CFAP221: variants seen among roughly 807,000 people sequenced by gnomAD.
CFAP221 encodes cilia and flagella associated protein 221, also known as cilia- and flagella-associated protein 221.
CFAP221 carries 97 observed loss-of-function variants against 113.1 expected under a neutral mutation model. That is an observed-to-expected ratio of 0.86 (90% CI 0.73 to 1.02). The LOEUF (loss-of-function observed/expected upper bound fraction) is 1.02. Ranked by LOEUF, CFAP221 falls within the 50% of genes least tolerant of loss-of-function variation. The probability of loss-of-function intolerance (pLI) is 0.00; values close to 1 mark genes in which losing one functional copy is unlikely to be tolerated. For missense variants in CFAP221, 1,025 were observed against 1,013.4 expected (o/e 1.01, Z -0.16); for synonymous variants, 331 against 354.4 (o/e 0.93, Z 0.74).
intron 3 of CFAP221, among the ~76,000 whole-genome samples, chr2:119,558,167 C>A (rs1052236366): frequency 6.6e-6 from 1 of 152,142 alleles, no homozygotes; most frequent in Non-Finnish European, 1.5e-5. Flanking sequence ...CACAGCCCTC[C>A]CCCAATGAGA....
chr2:119,617,768 C>T (rs1218355940), intron 14 of CFAP221, among the ~76,000 whole-genome samples: 1 of 152,226 alleles, frequency 6.6e-6, no homozygotes, highest in Non-Finnish European at 1.5e-5. Context: ...TAAAAGGTGA[C>T]AGTGTCTCTC....
At chr2:119,654,203 A>G (rs1688295608) in intron 23 of CFAP221, among the ~76,000 whole-genome samples, 1 of 152,168 alleles carries the variant, frequency 6.6e-6, no homozygotes, top group South Asian at 2.1e-4. Flanking sequence ...TTTCTGGTAA[A>G]AGAAAATGTA....
At chr2:119,642,570 T>C (rs775400531) in intron 21 of CFAP221, among the ~76,000 whole-genome samples, 83 of 124,480 alleles carry the variant, frequency 6.7e-4, no homozygotes, top group Non-Finnish European at 1.1e-3. Flanking sequence ...AGATGAGATA[T>C]CACTATCTTC....
At chr2:119,608,913 G>A (rs1227548392) in intron 12 of CFAP221, among the ~76,000 whole-genome samples, 1 of 152,202 alleles carries the variant, frequency 6.6e-6, no homozygotes, top group Non-Finnish European at 1.5e-5. Context: ...ATTCGAGCTG[G>A]AATTTTGAGT....
At chr2:119,615,959 C>T (rs1685496773) in intron 14 of CFAP221, among the ~76,000 whole-genome samples, 1 of 152,204 alleles carries the variant, frequency 6.6e-6, no homozygotes, top group Non-Finnish European at 1.5e-5. Flanking sequence ...TCTCCACTCC[C>T]TCCTCCCCAC....
At chr2:119,577,685 T>A (rs1165890617) in intron 6 of CFAP221, among the ~76,000 whole-genome samples, 1 of 152,160 alleles carries the variant, frequency 6.6e-6, no homozygotes, top group Non-Finnish European at 1.5e-5. Context: ...CATAGGGTTG[T>A]TAAGAGAGTT....
intron 7 of CFAP221, among the ~76,000 whole-genome samples, chr2:119,597,152 T>C (rs570985731): frequency 6.6e-5 from 10 of 152,376 alleles, no homozygotes; most frequent in African/African-American, 2.2e-4. Flanking sequence ...ACACACACTA[T>C]GTACCAAGCA....
chr2:119,553,940 GC>G (rs1167160316), intron 3 of CFAP221, among the ~76,000 whole-genome samples: 2 of 152,016 alleles, frequency 1.3e-5, no homozygotes, highest in Non-Finnish European at 2.9e-5. Context: ...AGTGGCAGAG[GC>G]TCATTAATTC....
chr2:119,638,021 G>A (rs1183303809), intron 19 of CFAP221: 3 of 340,044 alleles, frequency 8.8e-6, no homozygotes, highest in Non-Finnish European at 1.6e-5. Flanking sequence ...AAACCCATAT[G>A]GTTTGTAATG....
intron 6 of CFAP221, among the ~76,000 whole-genome samples, chr2:119,567,950 T>C (rs2104560668): frequency 6.6e-6 from 1 of 152,364 alleles, no homozygotes; most frequent in East Asian, 1.9e-4. Flanking sequence ...TATATTTCTT[T>C]GTTTCCTTTT....
intron 8 of CFAP221, 71 bp downstream of exon 8, chr2:119,601,448 A>C: frequency 7.6e-7 from 1 of 1,315,968 alleles, no homozygotes; most frequent in South Asian, 1.8e-5. Context: ...CCTTTCTTCC[A>C]TTCTGTCTTT....
chr2:119,617,862 T>G (rs988853939), intron 14 of CFAP221, among the ~76,000 whole-genome samples: 5 of 152,190 alleles, frequency 3.3e-5, no homozygotes, highest in Admixed American at 2.6e-4. Flanking sequence ...TCACATCGGA[T>G]TTCTCTGTCC....
At chr2:119,643,919 A>G (rs905127706) in intron 21 of CFAP221, among the ~76,000 whole-genome samples, 3 of 151,812 alleles carry the variant, frequency 2.0e-5, no homozygotes, top group African/African-American at 7.2e-5. Flanking sequence ...TTGGGAGGCC[A>G]AGGCAGGAGG....
intron 6 of CFAP221, among the ~76,000 whole-genome samples, chr2:119,573,889 T>C (rs1353296054): frequency 6.6e-6 from 1 of 152,232 alleles, no homozygotes; most frequent in Admixed American, 6.5e-5. Flanking sequence ...TATAGGGATC[T>C]GTAATGCAAT....
intron 19 of CFAP221, among the ~76,000 whole-genome samples, chr2:119,637,843 A>G (rs1333055412): frequency 6.6e-6 from 1 of 152,226 alleles, no homozygotes; most frequent in Non-Finnish European, 1.5e-5. Flanking sequence ...ATCTCTTTAA[A>G]GTAGCTTTTA....
At chr2:119,619,685 C>T (rs1357294078) in intron 14 of CFAP221, among the ~76,000 whole-genome samples, 1 of 152,156 alleles carries the variant, frequency 6.6e-6, no homozygotes, top group East Asian at 1.9e-4. Flanking sequence ...CTCCTCTCCT[C>T]CAAAGGATCA....
intron 7 of CFAP221, among the ~76,000 whole-genome samples, chr2:119,596,437 T>C (rs1683983939): frequency 6.6e-6 from 1 of 152,194 alleles, no homozygotes; most frequent in Non-Finnish European, 1.5e-5. Flanking sequence ...GCTTATATAC[T>C]TGATGGAAAA....
At chr2:119,594,076 A>G (rs914138517) in intron 7 of CFAP221, among the ~76,000 whole-genome samples, 4 of 152,056 alleles carry the variant, frequency 2.6e-5, no homozygotes, top group Non-Finnish European at 5.9e-5. Context: ...TTCTTTTTCC[A>G]TGTGTCTCCT....
At chr2:119,579,615 G>A (rs1181896192) in intron 6 of CFAP221, among the ~76,000 whole-genome samples, 1 of 152,170 alleles carries the variant, frequency 6.6e-6, no homozygotes, top group Admixed American at 6.5e-5. Context: ...ATCTGCTTCT[G>A]AATTATGGTA....
Sources: allele counts gnomAD v4.1 joint callset (sites outside exome capture counted in the v4.1 genomes callset), GRCh38; gene constraint gnomAD v4.1.1; transcripts MANE v1.5; gene names NCBI Gene and HGNC (gene_info 2026-07-23, HGNC 2026-07-21).